Variants in CMSS1 observed in about 807,000 individuals in gnomAD.
CMSS1 encodes the protein protein CMSS1.
Under a neutral mutation model 43.5 loss-of-function variants are expected in CMSS1, and 33 were observed. That is an observed-to-expected ratio of 0.76 (90% confidence interval 0.57 to 1.01). CMSS1 has a LOEUF of 1.01. CMSS1 is among the 50% of genes least tolerant of loss of function. The pLI is 0.00. For synonymous variants in CMSS1, 115 were observed against 117.2 expected, an observed-to-expected ratio of 0.98 and a Z score of 0.12; for missense variants, 313 against 326.4, an observed-to-expected ratio of 0.96 and a Z score of 0.32.
chr3:99,898,888 ATAT>A (rs1276482081), intron 1 of CMSS1: 1 of 152,150 alleles, frequency 6.6e-6, no homozygotes, highest in Non-Finnish European at 1.5e-5. Context: ...TGAATGAGGT[ATAT>A]TGCATGAACA....
At chr3:100,168,755 T>A (rs1316838632) in intron 6 of CMSS1, among the ~76,000 whole-genome samples, 1 of 151,444 alleles carries the variant, frequency 6.6e-6, no homozygotes, top group East Asian at 1.9e-4. Context: ...TTTTTTTAAC[T>A]GGATAAACTA....
intron 1 of CMSS1, among the ~76,000 whole-genome samples, chr3:100,142,825 G>A (rs975753525): frequency 2.0e-5 from 3 of 152,152 alleles, no homozygotes; most frequent in South Asian, 2.1e-4. Flanking sequence ...TAATAAAAAC[G>A]TAAATAAAGC....
chr3:99,842,504 CAAAA>C (rs10935983), intron 1 of CMSS1, among the ~76,000 whole-genome samples: 2 of 131,526 alleles, frequency 1.5e-5, no homozygotes, highest in Non-Finnish European at 3.3e-5. Context: ...TAAAACAGGC[CAAAA>C]AAAAAAAAAA....
At chr3:99,863,494 T>A (rs775603149) in intron 1 of CMSS1, among the ~76,000 whole-genome samples, 19 of 152,308 alleles carry the variant, frequency 1.2e-4, no homozygotes, top group African/African-American at 3.4e-4. Flanking sequence ...AAGTAGACTA[T>A]TAAGGATATT....
intron 2 of CMSS1, among the ~76,000 whole-genome samples, chr3:100,147,806 C>A (rs2066867052): frequency 6.6e-6 from 1 of 152,156 alleles, no homozygotes; most frequent in African/African-American, 2.4e-5. Context: ...CTGTCATATG[C>A]ATTCTTAACA....
intron 1 of CMSS1, among the ~76,000 whole-genome samples, chr3:99,869,186 A>G (rs1477364029): frequency 6.6e-6 from 1 of 152,200 alleles, no homozygotes; most frequent in Non-Finnish European, 1.5e-5. Context: ...TGAAGAGAAG[A>G]ATTCACTTGG....
intron 1 of CMSS1, among the ~76,000 whole-genome samples, chr3:99,971,065 T>C (rs140192638): frequency 0.058 from 8,788 of 152,178 alleles, 372 homozygotes; most frequent in South Asian, 0.16. Context: ...GGGCTGGGCG[T>C]GGTGGCTCAC....
chr3:99,848,110 T>C, intron 1 of CMSS1: 8 of 1,450,582 alleles, frequency 5.5e-6, no homozygotes, highest in Non-Finnish European at 7.3e-6. Context: ...ACACTCGATA[T>C]GACTATGCAG....
chr3:99,873,748 G>C (rs1705361657), intron 1 of CMSS1, among the ~76,000 whole-genome samples: 2 of 152,120 alleles, frequency 1.3e-5, no homozygotes, highest in African/African-American at 4.8e-5. Flanking sequence ...AACTGCAAGA[G>C]AACCGGAAAA....
chr3:99,827,394 G>A (rs1176986156), intron 1 of CMSS1, among the ~76,000 whole-genome samples: 3 of 152,050 alleles, frequency 2.0e-5, no homozygotes, highest in Admixed American at 1.3e-4. Flanking sequence ...ATTTCGCCAT[G>A]TTGACCAGAC....
intron 1 of CMSS1, among the ~76,000 whole-genome samples, chr3:100,146,694 T>A (rs1023033094): frequency 2.0e-5 from 3 of 152,230 alleles, no homozygotes; most frequent in Admixed American, 2.0e-4. Context: ...TACCACTTTT[T>A]AAAGGCTGTA....
chr3:99,858,382 T>C (rs1458232248), intron 1 of CMSS1, among the ~76,000 whole-genome samples: 3 of 152,172 alleles, frequency 2.0e-5, no homozygotes, highest in Admixed American at 6.5e-5. Flanking sequence ...GGAGAATTGC[T>C]TGAACCCGTG....
chr3:99,825,511 C>T (rs184913236), intron 1 of CMSS1, among the ~76,000 whole-genome samples: 1 of 152,304 alleles, frequency 6.6e-6, no homozygotes, highest in East Asian at 1.9e-4. Context: ...TAATTTACTG[C>T]ATATAATTTC....
chr3:99,852,666 G>C (rs1227881262), intron 1 of CMSS1, among the ~76,000 whole-genome samples: 1 of 152,022 alleles, frequency 6.6e-6, no homozygotes, highest in Non-Finnish European at 1.5e-5. Context: ...GGATGGTCTC[G>C]ATCTCCTGAC....
intron 1 of CMSS1, among the ~76,000 whole-genome samples, chr3:99,871,527 C>T (rs1241605343): frequency 6.6e-6 from 1 of 152,124 alleles, no homozygotes; most frequent in East Asian, 1.9e-4. Context: ...AATGTCACAT[C>T]ACAGTGCACA....
At chr3:100,100,168 T>A (rs776734594) in intron 1 of CMSS1, among the ~76,000 whole-genome samples, 12 of 152,086 alleles carry the variant, frequency 7.9e-5, no homozygotes, top group Non-Finnish European at 1.5e-4. Flanking sequence ...ATGCTGCCAC[T>A]CAGATTTTGG....
intron 1 of CMSS1, among the ~76,000 whole-genome samples, chr3:100,115,539 T>C (rs1449730244): frequency 6.7e-6 from 1 of 149,400 alleles, no homozygotes; most frequent in Non-Finnish European, 1.5e-5. Flanking sequence ...ACTGGTTGTA[T>C]TCTCCCTCTC....
chr3:99,824,498 G>A (rs898697366), intron 1 of CMSS1, among the ~76,000 whole-genome samples: 1 of 152,210 alleles, frequency 6.6e-6, no homozygotes, highest in East Asian at 1.9e-4. Flanking sequence ...AGGGCCTAGA[G>A]TAGTATCTGG....
intron 1 of CMSS1, among the ~76,000 whole-genome samples, chr3:99,902,506 G>T (rs1706469414): frequency 6.6e-6 from 1 of 152,102 alleles, no homozygotes; most frequent in Non-Finnish European, 1.5e-5. Context: ...GATATATAAG[G>T]GTATCTAGCT....
Sources: gnomAD v4.1 joint callset for allele counts (sites outside exome capture counted in the v4.1 genomes callset) on GRCh38, gnomAD v4.1.1 for gene constraint, MANE v1.5 for transcripts, NCBI Gene and HGNC (gene_info 2026-07-23, HGNC 2026-07-21) for gene names.